Variants in CHRM3 observed in about 807,000 individuals in gnomAD.
CHRM3 encodes muscarinic acetylcholine receptor M3.
Under a neutral mutation model 41.8 loss-of-function variants are expected in CHRM3, and 11 were observed. That is an observed-to-expected ratio of 0.26 (90% CI 0.17 to 0.44). CHRM3 has a LOEUF of 0.44. Ranked by LOEUF, CHRM3 falls within the 20% of genes least tolerant of loss-of-function variation. The probability of loss-of-function intolerance (pLI) is 1.00; values close to 1 mark genes in which losing one functional copy is unlikely to be tolerated. For missense variants in CHRM3, 571 were observed against 745.4 expected, an observed-to-expected ratio of 0.77 and a Z score of 2.72; for synonymous variants, 297 against 301.4, an observed-to-expected ratio of 0.99 and a Z score of 0.15.
At position 239,909,883 on chromosome 1, in the gene CHRM3, A is replaced by G. The variant is rs1158260704; in HGVS notation, c.*659A>G. The G allele has an allele frequency of 6.0e-6, 1 of 167,132 alleles. No homozygotes were observed. Among genetic ancestry groups the G allele is most frequent in the Admixed American group, 6.5e-5 (1 of 15,290 alleles). 10.4% of individuals were successfully genotyped at this position (167,132 alleles called of 1,614,324 possible). On this transcript the variant is annotated 3_prime_UTR_variant, in exon 7 of 7. Coordinates refer to ENST00000676153, the MANE Select transcript of CHRM3 (RefSeq NM_001375978.1). Reference sequence around the variant, plus strand: ...TTCTGCACGCACACACATAGTGTATATAATATCATGGGAAACACTGAACTG... The same window carrying G: ...TTCTGCACGCACACACATAGTGTATGTAATATCATGGGAAACACTGAACTG...
chr1:239,507,446 G>A (rs1389641875), intron 2 of CHRM3, among the ~76,000 whole-genome samples: 2 of 152,184 alleles, frequency 1.3e-5, no homozygotes, highest in East Asian at 1.9e-4. Context: ...TACCATGATT[G>A]TGAGTCCTCC....
At chr1:239,877,582 A>G (rs951645248) in intron 6 of CHRM3, among the ~76,000 whole-genome samples, 11 of 152,198 alleles carry the variant, frequency 7.2e-5, no homozygotes, top group Admixed American at 6.5e-5. Context: ...ACTGCTGCAG[A>G]AAGTAATATC....
chr1:239,611,708 C>G (rs551540270), intron 3 of CHRM3, among the ~76,000 whole-genome samples: 1 of 151,914 alleles, frequency 6.6e-6, no homozygotes, highest in African/African-American at 2.4e-5. Context: ...CATGAGCCAC[C>G]GCACCCAGCC....
chr1:239,746,052 A>T (rs1281785806), intron 5 of CHRM3, among the ~76,000 whole-genome samples: 1 of 152,228 alleles, frequency 6.6e-6, no homozygotes, highest in African/African-American at 2.4e-5. Context: ...AACATATGAA[A>T]AAGAAAGATA....
chr1:239,828,380 A>G (rs377728692), intron 6 of CHRM3, among the ~76,000 whole-genome samples: 63 of 152,140 alleles, frequency 4.1e-4, no homozygotes, highest in African/African-American at 1.5e-3. Context: ...ATACATAGAT[A>G]CACACACAGG....
intron 5 of CHRM3, among the ~76,000 whole-genome samples, chr1:239,687,323 T>C (rs1026952494): frequency 6.6e-6 from 1 of 152,138 alleles, no homozygotes; most frequent in Admixed American, 6.6e-5. Context: ...GGTTCAGAGA[T>C]TATTCATTAG....
At chr1:239,788,005 A>G (rs140738857) in intron 5 of CHRM3, among the ~76,000 whole-genome samples, 63 of 152,314 alleles carry the variant, frequency 4.1e-4, no homozygotes, top group Non-Finnish European at 7.4e-4. Flanking sequence ...TGGGAGGCCA[A>G]GGCAGGAGGA....
chr1:239,712,726 T>C (rs2148238980), intron 5 of CHRM3, among the ~76,000 whole-genome samples: 1 of 152,238 alleles, frequency 6.6e-6, no homozygotes, highest in East Asian at 1.9e-4. Flanking sequence ...CCCAAAGCAC[T>C]AATAAATAGT....
intron 2 of CHRM3, among the ~76,000 whole-genome samples, chr1:239,544,564 A>T (rs1421020107): frequency 6.6e-6 from 1 of 152,198 alleles, no homozygotes; most frequent in Non-Finnish European, 1.5e-5. Flanking sequence ...ACAGAAAGAT[A>T]ACTTTGGCAA....
rs531503101 is a variant in CHRM3, at chr1:239,814,304, T to G, written c.-146-12948T>G. On this transcript the variant is annotated intron_variant, in intron 5 of 6. Coordinates refer to ENST00000676153, the MANE Select transcript of CHRM3 (RefSeq NM_001375978.1). ...TGTTTGATTTTTAAGAAGGGCACTG[T>G]GGAGTGTGTTTGGTGCATTTCTCAG... Among the ~76,000 whole-genome samples, 24 of 152,264 alleles carry G rather than the reference T, an allele frequency of 1.6e-4. 1 individual carries two copies. The South Asian group carries it at 5.0e-3, about 32-fold the overall frequency.
chr1:239,462,915 C>A lies in CHRM3; in HGVS notation c.-520-29794C>A, dbSNP rs555554401. Among the ~76,000 whole-genome samples the A allele has an allele frequency of 8.3e-4, 127 of 152,316 alleles. 1 individual carries two copies. The Middle Eastern group carries it at 0.02, about 24-fold the overall frequency. ...TGTTGTTATATAACTCCTAGTTCAA[C>A]TGGACAGAATTAATTCTCTGATCAC... On this transcript the variant is annotated intron_variant, in intron 1 of 6. Transcript: ENST00000676153.
chr1:239,488,064 T>C (rs1667300363), intron 1 of CHRM3, among the ~76,000 whole-genome samples: 1 of 152,134 alleles, frequency 6.6e-6, no homozygotes, highest in South Asian at 2.1e-4. Context: ...AACAAGTTTG[T>C]TAATGCCCAG....
At chr1:239,808,483 G>T (rs957883170) in intron 5 of CHRM3, among the ~76,000 whole-genome samples, 4 of 152,108 alleles carry the variant, frequency 2.6e-5, no homozygotes, top group African/African-American at 9.7e-5. Context: ...TGTGTGAACT[G>T]TTTTCACTCC....
chr1:239,388,653 TA>T (rs1352306312), intron 1 of CHRM3, among the ~76,000 whole-genome samples: 2 of 152,190 alleles, frequency 1.3e-5, no homozygotes. Context: ...AGCACGTTAA[TA>T]AAAAACTAAG....
At chr1:239,559,434 C>T (rs1660663317) in intron 3 of CHRM3, among the ~76,000 whole-genome samples, 1 of 152,156 alleles carries the variant, frequency 6.6e-6, no homozygotes, top group Non-Finnish European at 1.5e-5. Context: ...AACACATTTT[C>T]CCTAATTGCT....
chr1:239,416,078 G>T (rs1271595824), intron 1 of CHRM3, among the ~76,000 whole-genome samples: 3 of 152,114 alleles, frequency 2.0e-5, no homozygotes, highest in Non-Finnish European at 4.4e-5. Flanking sequence ...ATTAAGTATC[G>T]TGGGGAAGCC....
chr1:239,883,624 T>C (rs1478585260), intron 6 of CHRM3, among the ~76,000 whole-genome samples: 1 of 152,184 alleles, frequency 6.6e-6, no homozygotes, highest in Non-Finnish European at 1.5e-5. Flanking sequence ...GGCAGAGAAA[T>C]TGAGCCTTAG....
intron 5 of CHRM3, among the ~76,000 whole-genome samples, chr1:239,763,379 A>G (rs1407033418): frequency 6.6e-6 from 1 of 152,252 alleles, no homozygotes; most frequent in South Asian, 2.1e-4. Context: ...TCATGAATAT[A>G]TAATATCATT....
At position 239,740,436 on chromosome 1, in the gene CHRM3, C is replaced by T. The variant is rs181558581; in HGVS notation, c.-147+62148C>T. Among the ~76,000 whole-genome samples the T allele has an allele frequency of 2.3e-3, 345 of 150,986 alleles. 1 individual carries two copies. The highest frequency in any genetic ancestry group is 8.1e-3 in the African/African-American group (333 of 41,204). Reference sequence around the variant, plus strand: ...CTTGCTCTGAGGTACCACTGACTACCAAGAAAGTTGACATTGAGGGTGGTT... The same window carrying T: ...CTTGCTCTGAGGTACCACTGACTACTAAGAAAGTTGACATTGAGGGTGGTT... On this transcript the variant is annotated intron_variant, in intron 5 of 6. Coordinates refer to ENST00000676153, the MANE Select transcript of CHRM3 (RefSeq NM_001375978.1).
Sources: gnomAD v4.1 joint callset for allele counts (sites outside exome capture counted in the v4.1 genomes callset) on GRCh38, gnomAD v4.1.1 for gene constraint, MANE v1.5 for transcripts, NCBI Gene and HGNC (gene_info 2026-07-23, HGNC 2026-07-21) for gene names.